XKR6: variants seen among roughly 807,000 people sequenced by gnomAD.
XKR6 encodes XK related 6.
Under a neutral mutation model 56.7 loss-of-function variants are expected in XKR6, and 22 were observed. The ratio of observed to expected loss-of-function variants is 0.39; its 90% CI spans 0.28 to 0.55. The LOEUF is 0.55. Among genes scored for constraint, XKR6 ranks in the 20% least tolerant of loss-of-function variants. The pLI is 0.66. For synonymous variants in XKR6, 524 were observed against 387.8 expected, an observed-to-expected ratio of 1.35 and a Z score of -4.13; for missense variants, 852 against 889.0, an observed-to-expected ratio of 0.96 and a Z score of 0.53.
intron 1 of XKR6, among the ~76,000 whole-genome samples, chr8:11,193,512 T>G (rs1378250175): frequency 6.6e-6 from 1 of 152,166 alleles, no homozygotes; most frequent in Non-Finnish European, 1.5e-5. Context: ...GCCACTGAAT[T>G]CTCTCAGCAA....
chr8:11,010,727 G>C (rs1034264330), intron 1 of XKR6, among the ~76,000 whole-genome samples: 14 of 151,744 alleles, frequency 9.2e-5, no homozygotes, highest in African/African-American at 3.4e-4. Context: ...CCATTTCATT[G>C]ACAGTCTTCT....
intron 2 of XKR6, among the ~76,000 whole-genome samples, 155 bp downstream of exon 2, chr8:10,924,479 C>T (rs918594973): frequency 7.2e-5 from 11 of 152,260 alleles, no homozygotes; most frequent in Non-Finnish European, 1.0e-4. Flanking sequence ...GTGTGGGCCC[C>T]GTCAGCACTG....
At chr8:10,940,323 G>A in intron 1 of XKR6, among the ~76,000 whole-genome samples, 1 of 152,314 alleles carries the variant, frequency 6.6e-6, no homozygotes, top group East Asian at 1.9e-4. Context: ...CAACATTCGA[G>A]AATGCCACAT....
At position 10,901,549 on chromosome 8, in the gene XKR6, C is replaced by T. The variant is rs1438265442; in HGVS notation, c.962-2633G>A. On this transcript the variant is annotated intron_variant, in intron 2 of 2. Transcript: ENST00000416569. Reference sequence around the variant, plus strand: ...CTCAAAAAATTCCATTAAACATCCTCATGACATCCTTGCTCTCCAGCTGAA... The same window carrying T: ...CTCAAAAAATTCCATTAAACATCCTTATGACATCCTTGCTCTCCAGCTGAA... Among the ~76,000 whole-genome samples the T allele has an allele frequency of 7.5e-4, 114 of 152,186 alleles. 1 individual carries two copies. Among genetic ancestry groups the T allele is most frequent in the Non-Finnish European group, 2.4e-4 (16 of 68,024 alleles).
intron 1 of XKR6, among the ~76,000 whole-genome samples, chr8:11,091,221 A>G (rs1798058389): frequency 6.6e-6 from 1 of 152,174 alleles, no homozygotes; most frequent in African/African-American, 2.4e-5. Context: ...GCTTGAGTCC[A>G]GAAGTTTGAG....
intron 1 of XKR6, among the ~76,000 whole-genome samples, chr8:11,042,657 T>C (rs908676756): frequency 6.6e-6 from 1 of 152,220 alleles, no homozygotes; most frequent in Non-Finnish European, 1.5e-5. Flanking sequence ...ACATCCCAAA[T>C]CCAAAAATCC....
chr8:11,120,575 T>C (rs1490774934), intron 1 of XKR6, among the ~76,000 whole-genome samples: 3 of 152,002 alleles, frequency 2.0e-5, no homozygotes, highest in Non-Finnish European at 4.4e-5. Context: ...TGCTCATGGG[T>C]AGGAAGAATC....
intron 2 of XKR6, among the ~76,000 whole-genome samples, chr8:10,915,353 A>T (rs890886818): frequency 9.4e-5 from 14 of 149,616 alleles, no homozygotes; most frequent in African/African-American, 3.5e-4. Context: ...CAGAGCCCCC[A>T]TGAAGCTACC....
Position 10,958,562 on chromosome 8 carries a change from T to C in XKR6, c.765-33732A>G, listed in dbSNP as rs544280819. ...CCGAGACATGGCATGCCAGCACCCATGAGGGAAAGAAGTCAGAAAAGACAG... is the reference window on the plus strand; with the variant it reads ...CCGAGACATGGCATGCCAGCACCCACGAGGGAAAGAAGTCAGAAAAGACAG... On this transcript the variant is annotated intron_variant, in intron 1 of 2. Coordinates refer to ENST00000416569, the MANE Select transcript of XKR6 (RefSeq NM_173683.4). Among the ~76,000 whole-genome samples the C allele has an allele frequency of 5.1e-3, 780 of 152,030 alleles. 7 individuals are homozygous for C. The highest frequency in any genetic ancestry group is 6.7e-3 in the Non-Finnish European group (456 of 67,962).
At chr8:11,075,880 CA>C (rs978585911) in intron 1 of XKR6, among the ~76,000 whole-genome samples, 2 of 151,556 alleles carry the variant, frequency 1.3e-5, no homozygotes, top group South Asian at 2.1e-4. Flanking sequence ...CCCCCCGACC[CA>C]AAAAAAACGT....
chr8:11,038,283 A>G (rs945192860), intron 1 of XKR6, among the ~76,000 whole-genome samples: 3 of 152,178 alleles, frequency 2.0e-5, no homozygotes, highest in African/African-American at 7.2e-5. Context: ...TGCTTTTTAA[A>G]TGTTAGAAAA....
In XKR6 at chr8:11,048,175, A is replaced by G. The variant is rs545062427; in HGVS notation, c.765-123345T>C. 2.6e-5 allele frequency among the ~76,000 whole-genome samples: 4 copies of G among 152,312 alleles called. No individual in the cohort carries two copies. In the South Asian group the frequency reaches 8.3e-4, roughly 32 times the overall value. ...AGCTGGTAACACTCAGCCCTGGGGA[A>G]GCCTAGCGCCTAGACACTATGGGGC... On this transcript the variant is annotated intron_variant, in intron 1 of 2. Transcript: ENST00000416569.
chr8:11,096,942 C>T (rs931330596), intron 1 of XKR6, among the ~76,000 whole-genome samples: 2 of 152,208 alleles, frequency 1.3e-5, no homozygotes, highest in Admixed American at 6.5e-5. Context: ...TGAGAGATTT[C>T]GCCCACTTGC....
In XKR6 at chr8:10,921,335, C is replaced by A. The variant is rs112168373; in HGVS notation, c.961+3299G>T. 3.9e-3 allele frequency among the ~76,000 whole-genome samples: 596 copies of A among 152,320 alleles called. 3 individuals carry two copies. Among genetic ancestry groups the A allele is most frequent in the African/African-American group, 0.014 (573 of 41,582 alleles). ...CCCTAGGACCTGGCCCATGCCAGCC[C>A]ATAAACTCCTGAAGGATAGGCGTCT... On this transcript the variant is annotated intron_variant, in intron 2 of 2. Coordinates refer to ENST00000416569, the MANE Select transcript of XKR6 (RefSeq NM_173683.4).
At chr8:11,131,189 C>T (rs147647715) in intron 1 of XKR6, among the ~76,000 whole-genome samples, 86 of 152,244 alleles carry the variant, frequency 5.6e-4, no homozygotes, top group African/African-American at 2.0e-3. Context: ...CTCAGTGAGC[C>T]TCTTTCATTT....
chr8:11,136,573 C>T (rs1800414410), intron 1 of XKR6, among the ~76,000 whole-genome samples: 1 of 151,306 alleles, frequency 6.6e-6, no homozygotes, highest in Non-Finnish European at 1.5e-5. Context: ...ACAGGTAGGG[C>T]CTTTAGAAGG....
intron 1 of XKR6, among the ~76,000 whole-genome samples, chr8:11,090,188 G>A (rs943521271): frequency 3.3e-5 from 5 of 152,134 alleles, no homozygotes; most frequent in Non-Finnish European, 4.4e-5. Context: ...GGGCTCAAGC[G>A]ATCCTCCCAC....
At chr8:10,954,008 G>T (rs189478153) in intron 1 of XKR6, among the ~76,000 whole-genome samples, 7 of 152,246 alleles carry the variant, frequency 4.6e-5, no homozygotes, top group Admixed American at 4.6e-4. Context: ...CCTTTCTATT[G>T]TTGAGTAATG....
chr8:11,132,188 C>G (rs1011523925), intron 1 of XKR6, among the ~76,000 whole-genome samples: 1 of 152,082 alleles, frequency 6.6e-6, no homozygotes, highest in Non-Finnish European at 1.5e-5. Context: ...AGCCTGATCT[C>G]ATAAAATCAA....
Sources: allele counts gnomAD v4.1 joint callset (sites outside exome capture counted in the v4.1 genomes callset), GRCh38; gene constraint gnomAD v4.1.1; transcripts MANE v1.5; gene names NCBI Gene and HGNC (gene_info 2026-07-23, HGNC 2026-07-21).